Variants in PLCB4 observed in about 807,000 individuals in gnomAD.
PLCB4 encodes phospholipase C beta 4.
In PLCB4, 77 loss-of-function variants were observed where a neutral mutation model predicts 178.8. That is an observed-to-expected ratio of 0.43 (90% confidence interval 0.36 to 0.52). The LOEUF (loss-of-function observed/expected upper bound fraction) is 0.52, where lower values mean the gene tolerates loss of function less well. Among genes scored for constraint, PLCB4 ranks in the 20% least tolerant of loss-of-function variants. The pLI is 0.00. For synonymous variants in PLCB4, 496 were observed against 490.8 expected, an observed-to-expected ratio of 1.01 and a Z score of -0.14; for missense variants, 1,024 against 1,453.4, an observed-to-expected ratio of 0.70 and a Z score of 4.80.
intron 23 of PLCB4, 29 bp from the exon 24 acceptor site, chr20:9,409,028 T>C (rs758107117): frequency 1.9e-6 from 3 of 1,604,084 alleles, no homozygotes; most frequent in Admixed American, 1.7e-5. Context: ...GTAGGACTCT[T>C]TTTTTCTGTT....
intron 2 of PLCB4, among the ~76,000 whole-genome samples, chr20:9,158,986 T>C (rs931933185): frequency 1.3e-5 from 2 of 152,234 alleles, no homozygotes; most frequent in African/African-American, 4.8e-5. Context: ...GATGTTGTAC[T>C]GTTTTTAGAA....
intron 2 of PLCB4, among the ~76,000 whole-genome samples, chr20:9,165,490 C>T (rs956861966): frequency 1.3e-5 from 2 of 152,074 alleles, no homozygotes; most frequent in African/African-American, 4.8e-5. Flanking sequence ...TGGCATTTTC[C>T]AAATCTTTCT....
chr20:9,133,661 G>T (rs1466817918), intron 2 of PLCB4, among the ~76,000 whole-genome samples: 1 of 152,202 alleles, frequency 6.6e-6, no homozygotes, highest in East Asian at 1.9e-4. Flanking sequence ...TTGATGGAAA[G>T]AATGAATGTT....
intron 7 of PLCB4, among the ~76,000 whole-genome samples, chr20:9,342,656 G>GTTT: frequency 8.0e-6 from 1 of 125,772 alleles, no homozygotes; most frequent in Non-Finnish European, 1.7e-5. Flanking sequence ...ATGTTTTGGG[G>GTTT]TTTTTTTTTT....
At chr20:9,341,011 A>C (rs77349386) in intron 7 of PLCB4, among the ~76,000 whole-genome samples, 3,299 of 152,224 alleles carry the variant, frequency 0.022, 132 homozygotes, top group African/African-American at 0.075. Context: ...AGAGAGGTAA[A>C]GGAACTCTGA....
chr20:9,422,451 G>T (rs2040709404), intron 27 of PLCB4, among the ~76,000 whole-genome samples: 1 of 152,158 alleles, frequency 6.6e-6, no homozygotes, highest in Non-Finnish European at 1.5e-5. Context: ...CTGTGATTTG[G>T]TTTTTTCCTT....
chr20:9,213,890 A>G (rs997727839), intron 2 of PLCB4, among the ~76,000 whole-genome samples: 3 of 152,260 alleles, frequency 2.0e-5, no homozygotes, highest in Middle Eastern at 3.4e-3. Context: ...GCTTTGATTT[A>G]TATTTCCCTA....
chr20:9,130,439 A>G (rs1157716450), intron 2 of PLCB4, among the ~76,000 whole-genome samples: 2 of 152,210 alleles, frequency 1.3e-5, no homozygotes, highest in African/African-American at 2.4e-5. Context: ...TTAAAAGATA[A>G]ATTACTCTAA....
At chr20:9,466,095 C>G (rs907839103) in intron 35 of PLCB4, among the ~76,000 whole-genome samples, 1 of 152,076 alleles carries the variant, frequency 6.6e-6, no homozygotes, top group Non-Finnish European at 1.5e-5. Context: ...AGATATAGAC[C>G]AATGGAACAG....
intron 2 of PLCB4, among the ~76,000 whole-genome samples, chr20:9,207,601 G>A (rs1025014418): frequency 1.3e-5 from 2 of 152,218 alleles, no homozygotes; most frequent in African/African-American, 4.8e-5. Context: ...TGCTGCCATT[G>A]CTATGGGGGG....
intron 2 of PLCB4, among the ~76,000 whole-genome samples, chr20:9,108,457 A>AT (rs1231182095): frequency 6.6e-6 from 1 of 152,118 alleles, no homozygotes; most frequent in East Asian, 1.9e-4. Flanking sequence ...GGGAGGATTA[A>AT]TCAGAGGGGC....
chr20:9,233,306 A>G (rs1304611001), intron 3 of PLCB4, among the ~76,000 whole-genome samples: 2 of 152,046 alleles, frequency 1.3e-5, no homozygotes, highest in African/African-American at 4.8e-5. Flanking sequence ...TTGTTCATTC[A>G]TTTAGCAAAT....
chr20:9,420,404 C>G (rs998743272), intron 26 of PLCB4, among the ~76,000 whole-genome samples: 2 of 151,986 alleles, frequency 1.3e-5, no homozygotes, highest in African/African-American at 2.4e-5. Context: ...GTGGCACAAT[C>G]TCGGCTCACT....
chr20:9,249,373 T>A (rs1482484084), intron 3 of PLCB4, among the ~76,000 whole-genome samples: 1 of 152,194 alleles, frequency 6.6e-6, no homozygotes, highest in African/African-American at 2.4e-5. Context: ...AGTGGCACAA[T>A]CACAGGTCAC....
intron 33 of PLCB4, among the ~76,000 whole-genome samples, chr20:9,456,964 T>G (rs1181699347): frequency 1.3e-5 from 2 of 152,186 alleles, no homozygotes; most frequent in Non-Finnish European, 2.9e-5. Context: ...AAAATTGCCC[T>G]GTGGTGCCAA....
intron 2 of PLCB4, among the ~76,000 whole-genome samples, chr20:9,180,467 T>C (rs2093227012): frequency 6.6e-6 from 1 of 152,204 alleles, no homozygotes; most frequent in South Asian, 2.1e-4. Flanking sequence ...CATATGGGAT[T>C]GGTCTATGGA....
rs1031214461 is a variant in PLCB4 at position 9,437,031 on chromosome 20, T to C, written c.2643T>C (p.Thr881=). 9.9e-6 allele frequency: 16 copies of C among 1,614,026 alleles called. No homozygotes were observed. Among genetic ancestry groups the C allele is most frequent in the African/African-American group, 1.3e-5 (1 of 75,020 alleles). Residue 881 remains threonine, a synonymous_variant, in exon 30 of 40, where the codon ACT becomes ACC. Coordinates refer to ENST00000378473, the MANE Select transcript of PLCB4 (RefSeq NM_001377142.1). The stretch of plus-strand genomic sequence containing the variant: ...ACATAGCCGACGTGCCCAGTGACAC[T>C]TCCAAAAATGACAAGAAAGGAAAGG... ...TSDIADVPSD[T]SKNDKKGKAN... is the part of the protein sequence containing the mutation.
In PLCB4 at chr20:9,362,942, A is replaced by G; in HGVS notation, c.416A>G (p.Asn139Ser). ...TCAATCATACACAACTTCAGGGCCA[A>G]CAACGTCAGTCCAATGACATGCCTC... ...LRSIIHNFRA[N>S]NVSPMTCLKK... is the part of the protein sequence containing the mutation. Residue 139 changes from asparagine to serine, a missense_variant, in exon 8 of 40, where the codon AAC becomes AGC. Asn to Ser is a conservative substitution (Grantham distance 46, BLOSUM62 1). Coordinates refer to ENST00000378473, the MANE Select transcript of PLCB4 (RefSeq NM_001377142.1). 6.2e-7 allele frequency: 1 copy of G among 1,613,024 alleles called. No individual in the cohort carries two copies. Among genetic ancestry groups the G allele is most frequent in the Non-Finnish European group, 8.5e-7 (1 of 1,179,016 alleles).
chr20:9,404,321 G>A (rs1009958102), intron 20 of PLCB4, among the ~76,000 whole-genome samples: 1 of 152,104 alleles, frequency 6.6e-6, no homozygotes, highest in African/African-American at 2.4e-5. Flanking sequence ...AGGAAGAGGG[G>A]AGAGTATTTG....
Sources: allele counts gnomAD v4.1 joint callset (sites outside exome capture counted in the v4.1 genomes callset), GRCh38; gene constraint gnomAD v4.1.1; transcripts MANE v1.5; gene names NCBI Gene and HGNC (gene_info 2026-07-23, HGNC 2026-07-21).